The following UBAC2 variants were observed in gnomAD, a reference collection of about 807,000 sequenced individuals.
UBAC2 encodes the protein ubiquitin-associated domain-containing protein 2.
UBAC2 carries 26 observed loss-of-function variants against 44.0 expected under a neutral mutation model. The ratio of observed to expected loss-of-function variants is 0.59; its 90% confidence interval spans 0.43 to 0.82. UBAC2 has a LOEUF of 0.82. UBAC2 is among the 40% of genes least tolerant of loss of function. The pLI is 0.00. For synonymous variants in UBAC2, 155 were observed against 154.3 expected, an observed-to-expected ratio of 1.00 and a Z score of -0.04; for missense variants, 329 against 419.4, an observed-to-expected ratio of 0.78 and a Z score of 1.88.
intron 6 of UBAC2, 107 bp downstream of exon 6, chr13:99,318,176 T>C (rs1594121935): frequency 1.7e-3 from 1 of 584 alleles, no homozygotes. Flanking sequence ...CTCACCATTC[T>C]TTTTTTTTGA....
intron 4 of UBAC2, among the ~76,000 whole-genome samples, chr13:99,281,691 T>C (rs765704118): frequency 6.6e-6 from 1 of 152,244 alleles, no homozygotes; most frequent in East Asian, 1.9e-4. Flanking sequence ...GTCTCACTTA[T>C]GTCTTGACAT....
At chr13:99,213,090 A>G (rs1291409769) in intron 1 of UBAC2, among the ~76,000 whole-genome samples, 1 of 152,080 alleles carries the variant, frequency 6.6e-6, no homozygotes. Context: ...TTTCTGACGC[A>G]TGTATATACA....
chr13:99,263,021 C>G (rs1020058474), intron 4 of UBAC2, among the ~76,000 whole-genome samples: 10 of 152,174 alleles, frequency 6.6e-5, no homozygotes. Context: ...AACCTTCATG[C>G]TGACTGCAAA....
intron 6 of UBAC2, among the ~76,000 whole-genome samples, chr13:99,325,629 A>T (rs1156625025): frequency 1.3e-5 from 2 of 152,128 alleles, no homozygotes; most frequent in African/African-American, 4.8e-5. Context: ...TGTGCAGCGA[A>T]TCTCTGGAGC....
chr13:99,243,857 T>G lies in UBAC2; in HGVS notation c.185T>G (p.Ile62Arg), dbSNP rs1437850308. The G allele has an allele frequency of 6.3e-7, 1 of 1,574,942 alleles. No homozygotes were observed. Among genetic ancestry groups the G allele is most frequent in the Admixed American group, 1.9e-5 (1 of 53,384 alleles). ...FQIWRLICGRIICLDLKDTFC... is the reference protein window; with the variant it reads ...FQIWRLICGRRICLDLKDTFC... ...ATTTGGAGGTTGATATGTGGAAGAA[T>G]AATTTGCCTTGATTTGAAAGATACT... The change falls in exon 3 of 9, where the codon ATA (isoleucine) becomes AGA (arginine). Residue 62 changes from isoleucine to arginine, a missense_variant. Coordinates refer to ENST00000403766, the MANE Select transcript of UBAC2 (RefSeq NM_001144072.2).
At chr13:99,380,064 T>C (rs1350443863) in intron 8 of UBAC2, among the ~76,000 whole-genome samples, 1 of 152,114 alleles carries the variant, frequency 6.6e-6, no homozygotes. Flanking sequence ...GAGGGTCTCT[T>C]TTCCCTTGGA....
intron 1 of UBAC2, among the ~76,000 whole-genome samples, chr13:99,235,470 C>T (rs1248368663): frequency 1.3e-5 from 2 of 151,918 alleles, no homozygotes; most frequent in Non-Finnish European, 2.9e-5. Context: ...TCTGAGTAGC[C>T]AAAATAATCC....
At chr13:99,248,987 G>T (rs1276920970) in intron 4 of UBAC2, among the ~76,000 whole-genome samples, 4 of 152,152 alleles carry the variant, frequency 2.6e-5, no homozygotes, top group African/African-American at 9.7e-5. Flanking sequence ...CATTTTGCTT[G>T]TCAGTGGGGT....
chr13:99,319,026 A>G (rs2138778796), intron 6 of UBAC2, among the ~76,000 whole-genome samples: 1 of 152,242 alleles, frequency 6.6e-6, no homozygotes, highest in South Asian at 2.1e-4. Flanking sequence ...GTAAAAAGAC[A>G]TTGTCACACG....
chr13:99,367,613 A>G (rs536681044), intron 7 of UBAC2, among the ~76,000 whole-genome samples, 174 bp from the exon 8 acceptor site: 7 of 152,304 alleles, frequency 4.6e-5, no homozygotes, highest in East Asian at 1.9e-4. Flanking sequence ...ATTTTGTGCT[A>G]TTGACTGAAG....
intron 6 of UBAC2, among the ~76,000 whole-genome samples, chr13:99,322,742 G>T (rs547658231): frequency 1.3e-5 from 2 of 152,186 alleles, no homozygotes; most frequent in African/African-American, 2.4e-5. Context: ...AGTTTGGATT[G>T]TTTTCTGTAA....
At position 99,353,050 on chromosome 13, in the gene UBAC2, T is replaced by C. The variant is rs1227384449; in HGVS notation, c.807+12485T>C. Among the ~76,000 whole-genome samples the C allele has an allele frequency of 2.6e-5, 4 of 152,378 alleles. No homozygotes were observed. The East Asian group carries it at 7.7e-4, about 29-fold the overall frequency. The stretch of plus-strand genomic sequence containing the variant: ...TTTTTGGCTATGCTCTTTCACTTTT[T>C]GGTGCAATTTGATTTGAAAACGATT... On this transcript the variant is annotated intron_variant, in intron 7 of 8. Transcript: ENST00000403766.
intron 1 of UBAC2, chr13:99,215,571 G>C: frequency 2.9e-6 from 4 of 1,380,750 alleles, no homozygotes; most frequent in Non-Finnish European, 3.1e-6. Context: ...TCCCTCTGCG[G>C]TGAGGTACTC....
chr13:99,312,977 T>TTTTG (rs979019551), intron 4 of UBAC2: 4 of 152,604 alleles, frequency 2.6e-5, no homozygotes, highest in East Asian at 1.9e-4. Context: ...TTTTTTTTGT[T>TTTTG]TTTGTTTGTT....
chr13:99,343,698 A>G (rs777773084), intron 7 of UBAC2, among the ~76,000 whole-genome samples: 18 of 152,220 alleles, frequency 1.2e-4, no homozygotes, highest in Non-Finnish European at 2.2e-4. Context: ...GGGTCCGCAC[A>G]TGGGTACACC....
chr13:99,332,793 T>C (rs920434979), intron 6 of UBAC2, among the ~76,000 whole-genome samples: 1 of 152,218 alleles, frequency 6.6e-6, no homozygotes, highest in Non-Finnish European at 1.5e-5. Context: ...CTCCGTTTGC[T>C]CTTTGGCTTA....
At chr13:99,277,983 G>T (rs2043906219) in intron 4 of UBAC2, among the ~76,000 whole-genome samples, 1 of 152,118 alleles carries the variant, frequency 6.6e-6, no homozygotes, top group South Asian at 2.1e-4. Context: ...CCATAGAAGG[G>T]CCTTTCCTGC....
intron 4 of UBAC2, among the ~76,000 whole-genome samples, chr13:99,286,088 T>G (rs1594088397): frequency 6.6e-6 from 1 of 152,218 alleles, no homozygotes; most frequent in East Asian, 1.9e-4. Flanking sequence ...AGTCTATTCC[T>G]GGAGGCGCTG....
intron 4 of UBAC2, among the ~76,000 whole-genome samples, chr13:99,284,763 C>T (rs544963424): frequency 1.3e-5 from 2 of 152,232 alleles, no homozygotes; most frequent in Admixed American, 1.3e-4. Context: ...CTGTCTTGGG[C>T]GACCTTGGCA....
Sources: allele counts gnomAD v4.1 joint callset (sites outside exome capture counted in the v4.1 genomes callset), GRCh38; gene constraint gnomAD v4.1.1; transcripts MANE v1.5; gene names NCBI Gene and HGNC (gene_info 2026-07-23, HGNC 2026-07-21).